The following MN1 variants were observed in gnomAD, a reference collection of about 807,000 sequenced individuals.
MN1 encodes the protein MN1 proto-oncogene, transcriptional regulator, also known as transcriptional activator MN1.
MN1 carries 19 observed loss-of-function variants against 86.9 expected under a neutral mutation model. That is an observed-to-expected ratio of 0.22 (90% confidence interval 0.15 to 0.32). The LOEUF (loss-of-function observed/expected upper bound fraction) is 0.32. Among genes scored for constraint, MN1 ranks in the 10% least tolerant of loss-of-function variants. The probability of loss-of-function intolerance (pLI) is 1.00; values close to 1 mark genes in which losing one functional copy is unlikely to be tolerated. For missense variants in MN1, 1,841 were observed against 1,862.0 expected (o/e 0.99, Z 0.21); for synonymous variants, 928 against 849.6 (o/e 1.09, Z -1.60).
chr22:27,793,365 A>T (rs1171306100), intron 1 of MN1, among the ~76,000 whole-genome samples: 1 of 144,750 alleles, frequency 6.9e-6, no homozygotes, highest in Non-Finnish European at 1.5e-5. Flanking sequence ...CTATACTTTC[A>T]GGGATCATTT....
intron 1 of MN1, among the ~76,000 whole-genome samples, chr22:27,778,207 G>C (rs1270071099): frequency 6.6e-6 from 1 of 152,152 alleles, no homozygotes; most frequent in Non-Finnish European, 1.5e-5. Context: ...TGGGTATATG[G>C]GGCCAGGGTA....
At chr22:27,753,561 G>A (rs1932782967) in intron 1 of MN1, among the ~76,000 whole-genome samples, 1 of 152,282 alleles carries the variant, frequency 6.6e-6, no homozygotes, top group South Asian at 2.1e-4. Context: ...ACTTCCTGGG[G>A]CCCAGCTAGG....
rs45606235 is a variant in MN1, at chr22:27,792,731, G to A, written c.3781+4032C>T. Among the ~76,000 whole-genome samples, 394 of 152,168 alleles carry A rather than the reference G, an allele frequency of 2.6e-3. 1 individual carries two copies. Among genetic ancestry groups the A allele is most frequent in the African/African-American group, 8.9e-3 (370 of 41,502 alleles). ...TGCGAAGTTTTGGGTTACATCTTCC[G>A]GAGGCGCAAAAGTCACATGAAGGCA... On this transcript the variant is annotated intron_variant, in intron 1 of 1. Coordinates refer to ENST00000302326, the MANE Select transcript of MN1 (RefSeq NM_002430.3).
Position 27,801,138 on chromosome 22 carries a change from G to A in MN1, c.-595C>T, listed in dbSNP as rs9613530. 0.035 allele frequency: 7,719 copies of A among 222,534 alleles called. 177 individuals carry two copies. Among genetic ancestry groups the A allele is most frequent in the Non-Finnish European group, 0.048 (5,381 of 111,012 alleles). The allele number at this position is 222,534 out of a possible 1,614,324, so 13.8% of individuals were successfully genotyped here. A position where few individuals can be genotyped will look rare whatever the true frequency, so the allele number is the denominator to read the frequency against. ...CCCGAGCCTCCACCGAGCACGATCC[G>A]CTCGCACAATCCCCGTAGGCTCCGG... is the stretch of plus-strand genomic sequence containing the variant. On this transcript the variant is annotated 5_prime_UTR_variant, in exon 1 of 2. Coordinates refer to ENST00000302326, the MANE Select transcript of MN1 (RefSeq NM_002430.3).
intron 1 of MN1, among the ~76,000 whole-genome samples, chr22:27,779,798 G>T (rs570738541): frequency 6.6e-5 from 10 of 152,248 alleles, no homozygotes; most frequent in Non-Finnish European, 1.0e-4. Context: ...CACCTCCTCG[G>T]GCTGGCCCCA....
Position 27,798,981 on chromosome 22 carries a change from G to A in MN1, c.1563C>T (p.Ser521=), listed in dbSNP as rs377548418. 3.9e-4 allele frequency: 624 copies of A among 1,601,292 alleles called. 4 individuals are homozygous for A. In the African/African-American group the frequency reaches 7.1e-3, roughly 18 times the overall value. Residue 521 remains serine, a synonymous_variant, in exon 1 of 2, where the codon TCC becomes TCT. Transcript: ENST00000302326. ...GCTGCTGCTGCTGCTGCTGTTGCAGGGACTGGTGGTCCGGGGCCGGATGCT... is the reference window on the plus strand; with the variant it reads ...GCTGCTGCTGCTGCTGCTGTTGCAGAGACTGGTGGTCCGGGGCCGGATGCT... ...PLQHPAPDHQ[S]LQQQQQQQQQ...
intron 1 of MN1, among the ~76,000 whole-genome samples, chr22:27,788,023 G>C (rs955203117): frequency 6.6e-6 from 1 of 152,244 alleles, no homozygotes; most frequent in Admixed American, 6.5e-5. Context: ...TCTGTCCTTT[G>C]TGACGGCCGA....
chr22:27,759,495 A>G (rs910895738), intron 1 of MN1, among the ~76,000 whole-genome samples: 3 of 151,938 alleles, frequency 2.0e-5, no homozygotes, highest in African/African-American at 7.2e-5. Flanking sequence ...GACACGCATC[A>G]GCTTAGAGGT....
At position 27,796,786 on chromosome 22, in the gene MN1, G is replaced by T. The variant is rs1316408091; in HGVS notation, c.3758C>A (p.Pro1253His). 3 of 1,604,532 alleles carry T rather than the reference G, an allele frequency of 1.9e-6. No individual in the cohort carries two copies. The highest frequency in any genetic ancestry group is 2.5e-6 in the Non-Finnish European group (3 of 1,178,462). ...ACCTTCTTTGCTGTTGGGGTTCTGGGGTTTGGCCTTCTCCCAGGGCGCCAA... is the reference window on the plus strand; with the variant it reads ...ACCTTCTTTGCTGTTGGGGTTCTGGTGTTTGGCCTTCTCCCAGGGCGCCAA... Reference protein sequence around the residue: ...KTLAPWEKAKPQNPNSKEAHD... With the variant: ...KTLAPWEKAKHQNPNSKEAHD... Residue 1253 changes from proline to histidine, a missense_variant, in exon 1 of 2, where the codon CCC becomes CAC. Coordinates refer to ENST00000302326, the MANE Select transcript of MN1 (RefSeq NM_002430.3).
At chr22:27,794,293 G>C (rs912887666) in intron 1 of MN1, among the ~76,000 whole-genome samples, 11 of 152,200 alleles carry the variant, frequency 7.2e-5, no homozygotes, top group Non-Finnish European at 2.9e-5. Context: ...AAGGGAGCAG[G>C]ATTCAGATGC....
rs1391836335 is a variant in MN1 at position 27,799,696 on chromosome 22, A to G, written c.848T>C (p.Val283Ala). The change falls in exon 1 of 2, where the codon GTG (valine) becomes GCG (alanine). Residue 283 changes from valine to alanine, a missense_variant. Val to Ala is a moderately conservative substitution (Grantham distance 64). Coordinates refer to ENST00000302326, the MANE Select transcript of MN1 (RefSeq NM_002430.3). The part of the protein sequence containing the change: ...ASAMPRAAGM[V>A]GLSKMHAQPP... Reference sequence around the variant, plus strand: ...CTGGGCGTGCATTTTGGACAAGCCCACCATGCCCGCAGCTCTGGGCATGGC... The same window carrying G: ...CTGGGCGTGCATTTTGGACAAGCCCGCCATGCCCGCAGCTCTGGGCATGGC... 6.4e-7 allele frequency: 1 copy of G among 1,559,294 alleles called. No individual in the cohort carries two copies. Among genetic ancestry groups the G allele is most frequent in the South Asian group, 1.2e-5 (1 of 84,814 alleles).
chr22:27,767,211 C>T (rs45558333), intron 1 of MN1, among the ~76,000 whole-genome samples: 1 of 152,118 alleles, frequency 6.6e-6, no homozygotes, highest in African/African-American at 2.4e-5. Flanking sequence ...CAGGAACAAA[C>T]CCTAAAGAGT....
intron 1 of MN1, among the ~76,000 whole-genome samples, chr22:27,772,356 T>A (rs1458280410): frequency 6.6e-6 from 1 of 152,246 alleles, no homozygotes; most frequent in South Asian, 2.1e-4. Flanking sequence ...GGCTTCTACC[T>A]GGAAGCACTT....
intron 1 of MN1, among the ~76,000 whole-genome samples, chr22:27,772,749 T>G (rs1443823082): frequency 6.6e-6 from 1 of 152,032 alleles, no homozygotes; most frequent in African/African-American, 2.4e-5. Flanking sequence ...AGTAAACTGT[T>G]CCCAGTGGTT....
At chr22:27,768,250 T>C (rs1357925762) in intron 1 of MN1, among the ~76,000 whole-genome samples, 3 of 152,152 alleles carry the variant, frequency 2.0e-5, no homozygotes, top group Non-Finnish European at 2.9e-5. Context: ...GGGTGAGAGA[T>C]GGGCATACTC....
chr22:27,798,577 C>A lies in MN1; in HGVS notation c.1967G>T (p.Cys656Phe). The change falls in exon 1 of 2, where the codon TGT becomes TTT. Residue 656 changes from cysteine (C) to phenylalanine (F), a missense_variant. Transcript: ENST00000302326. ...CGCCAGGCTGGGGTCGTGCGGGCCACAGTCAGCGGGCAGACCCGAGCCGCC... is the reference window on the plus strand; with the variant it reads ...CGCCAGGCTGGGGTCGTGCGGGCCAAAGTCAGCGGGCAGACCCGAGCCGCC... ...RMGGSGLPAD[C>F]GPHDPSLAPP... 1 of 1,540,870 alleles carries A rather than the reference C, an allele frequency of 6.5e-7. No individual in the cohort carries two copies. Among genetic ancestry groups the A allele is most frequent in the South Asian group, 1.2e-5 (1 of 82,404 alleles).
chr22:27,758,959 G>A (rs1177137982), intron 1 of MN1, among the ~76,000 whole-genome samples: 4 of 152,144 alleles, frequency 2.6e-5, no homozygotes, highest in African/African-American at 9.7e-5. Flanking sequence ...CCAAGTAGCT[G>A]GGACTACAGG....
chr22:27,772,852 C>T (rs750485896), intron 1 of MN1, among the ~76,000 whole-genome samples: 2 of 147,440 alleles, frequency 1.4e-5, no homozygotes, highest in East Asian at 2.1e-4. Flanking sequence ...ATCACCATTG[C>T]CATCATCATC....
chr22:27,762,975 G>C (rs1323492838), intron 1 of MN1, among the ~76,000 whole-genome samples: 2 of 152,100 alleles, frequency 1.3e-5, no homozygotes, highest in African/African-American at 4.8e-5. Context: ...AAGCATGGTG[G>C]TGTGTGCCTA....
Sources: gnomAD v4.1 joint callset for allele counts (sites outside exome capture counted in the v4.1 genomes callset) on GRCh38, gnomAD v4.1.1 for gene constraint, MANE v1.5 for transcripts, NCBI Gene and HGNC (gene_info 2026-07-23, HGNC 2026-07-21) for gene names.